Variants in BIN1 observed in about 807,000 individuals in gnomAD.
BIN1 encodes the protein myc box-dependent-interacting protein 1.
BIN1 carries 53 observed loss-of-function variants against 82.0 expected under a neutral mutation model. The observed-to-expected ratio is 0.65, with a 90% confidence interval of 0.52 to 0.81. The LOEUF (loss-of-function observed/expected upper bound fraction) is 0.81. BIN1 is among the 40% of genes least tolerant of loss of function. The probability of loss-of-function intolerance (pLI) is 0.00; values close to 1 mark genes in which losing one functional copy is unlikely to be tolerated. For synonymous variants in BIN1, 302 were observed against 328.0 expected (o/e 0.92, Z 0.86); for missense variants, 642 against 784.4 (o/e 0.82, Z 2.17).
chr2:127,070,487 G>C, intron 4 of BIN1, 66 bp downstream of exon 4: 1 of 1,573,068 alleles, frequency 6.4e-7, no homozygotes, highest in Non-Finnish European at 8.7e-7. Flanking sequence ...GGGCACGGCA[G>C]AGTGGGACAG....
Position 127,053,992 on chromosome 2 carries a change from G to A in BIN1, c.1152C>T (p.Phe384=). The part of the protein sequence containing the change: ...TPSQFEAPGP[F]SEQASLLDLD... Reference sequence around the variant, plus strand: ...GGTCCAGCAGACTGGCCTGCTCCGAGAAAGGCCCCGGGGCCTCAAACTTGG... The same window carrying A: ...GGTCCAGCAGACTGGCCTGCTCCGAAAAAGGCCCCGGGGCCTCAAACTTGG... Residue 384 remains phenylalanine, a synonymous_variant, in exon 13 of 19, where the codon TTC becomes TTT. Transcript: ENST00000316724. 2 of 1,551,352 alleles carry A rather than the reference G, an allele frequency of 1.3e-6. No individual in the cohort carries two copies. Among genetic ancestry groups the A allele is most frequent in the East Asian group, 2.4e-5 (1 of 40,914 alleles).
rs1413239743 is a variant in BIN1, at chr2:127,048,042, T to C, written c.*484A>G. On this transcript the variant is annotated 3_prime_UTR_variant, in exon 19 of 19. Transcript: ENST00000316724. ...TACACACACGTTTTCTGAGAGTTTTTATCATTTTTTTTTTGTTTCATTTTG... is the reference window on the plus strand; with the variant it reads ...TACACACACGTTTTCTGAGAGTTTTCATCATTTTTTTTTTGTTTCATTTTG... 1 of 196,014 alleles carries C rather than the reference T, an allele frequency of 5.1e-6. No homozygotes were observed. Among genetic ancestry groups the C allele is most frequent in the African/African-American group, 2.4e-5 (1 of 41,908 alleles). 12.1% of individuals were successfully genotyped at this position (196,014 alleles called of 1,614,324 possible).
chr2:127,059,119 C>G lies in BIN1; in HGVS notation c.894G>C (p.Ser298=), dbSNP rs2228955. The G allele has an allele frequency of 6.3e-7, 1 of 1,591,758 alleles. No individual in the cohort carries two copies. Among genetic ancestry groups the G allele is most frequent in the Non-Finnish European group, 8.5e-7 (1 of 1,170,382 alleles). Residue 298 remains serine, a synonymous_variant, in exon 11 of 19, where the codon TCG becomes TCC. Transcript: ENST00000316724. This position sits in a 1 kb window ranked among gnomAD's most constrained non-coding sequence, Gnocchi z 6.7. ...NAPAKGNKSP[S]PPDGSPAATP... is the part of the protein sequence containing the mutation. ...TGGCGGCAGGGGAGCCATCTGGAGG[C>G]GAAGGGCTCTTGTTCCCTTTTGCAG... is the stretch of plus-strand genomic sequence containing the variant.
At chr2:127,103,025 G>T (rs1190426227) in intron 1 of BIN1, among the ~76,000 whole-genome samples, 1 of 152,192 alleles carries the variant, frequency 6.6e-6, no homozygotes, top group Non-Finnish European at 1.5e-5. Context: ...GGGTAGAGGG[G>T]GGCATCTTTG....
chr2:127,068,389 T>G lies in BIN1; in HGVS notation c.520-134A>C. 3.3e-5 allele frequency: 19 copies of G among 578,092 alleles called. No individual in the cohort carries two copies. The highest frequency in any genetic ancestry group is 7.0e-5 in the East Asian group (2 of 28,430). 35.8% of individuals were successfully genotyped at this position (578,092 alleles called of 1,614,324 possible). On this transcript the variant is annotated intron_variant, in intron 6 of 18. Transcript: ENST00000316724. This position sits in a 1 kb window ranked among gnomAD's most constrained non-coding sequence, Gnocchi z 4.9. ...GCCACCCCAAGCAGATATGGGCCCT[T>G]GAGGCCGAGAGAATTAGGGGGAGCC...
At chr2:127,049,398 G>A (rs1682588970) in intron 18 of BIN1, among the ~76,000 whole-genome samples, 1 of 152,100 alleles carries the variant, frequency 6.6e-6, no homozygotes, top group African/African-American at 2.4e-5. Context: ...ATCAGTGCCA[G>A]GCCCACAAGG....
At chr2:127,065,348 T>C (rs1389929284) in intron 7 of BIN1, among the ~76,000 whole-genome samples, 3 of 152,150 alleles carry the variant, frequency 2.0e-5, no homozygotes, top group African/African-American at 7.2e-5. Flanking sequence ...CACACCTCTC[T>C]TGGATCCAGG....
chr2:127,079,706 C>T (rs1277181990), intron 1 of BIN1, among the ~76,000 whole-genome samples: 1 of 152,240 alleles, frequency 6.6e-6, no homozygotes, highest in African/African-American at 2.4e-5. Flanking sequence ...GTCAGGGACA[C>T]TGTTCCAGTC....
rs1681220884 is a variant in BIN1 at position 127,106,840 on chromosome 2, T to A, written c.84+20A>T. ...GCGGCGGCTGGGACTCCGCGGCTGC[T>A]GGGGCTCCGGCTCGCTCACCTTCTC... On this transcript the variant is annotated intron_variant, in intron 1 of 18. Transcript: ENST00000316724. 6.3e-7 allele frequency: 1 copy of A among 1,586,040 alleles called. No individual in the cohort carries two copies. The highest frequency in any genetic ancestry group is 8.6e-7 in the Non-Finnish European group (1 of 1,168,392).
At chr2:127,080,919 G>A (rs1687209401) in intron 1 of BIN1, among the ~76,000 whole-genome samples, 1 of 152,244 alleles carries the variant, frequency 6.6e-6, no homozygotes, top group African/African-American at 2.4e-5. Flanking sequence ...AGGCTGGGTG[G>A]TTCACTGAGT....
chr2:127,054,005 G>A lies in BIN1; in HGVS notation c.1139C>T (p.Ala380Val), dbSNP rs1553453967. The change falls in exon 13 of 19, where the codon GCC becomes GTC. Residue 380 changes from alanine (A) to valine (V), a missense_variant. Transcript: ENST00000316724. ...GGCCTGCTCCGAGAAAGGCCCCGGG[G>A]CCTCAAACTTGGCAGCAGCAGCAGC... The part of the protein sequence containing the change: ...ISVTTPSQFE[A>V]PGPFSEQASL... 2 of 1,551,276 alleles carry A rather than the reference G, an allele frequency of 1.3e-6. No individual in the cohort carries two copies. Among genetic ancestry groups the A allele is most frequent in the Non-Finnish European group, 1.7e-6 (2 of 1,146,906 alleles).
intron 1 of BIN1, among the ~76,000 whole-genome samples, chr2:127,078,186 C>A (rs1251901912): frequency 6.6e-6 from 1 of 151,564 alleles, no homozygotes; most frequent in Non-Finnish European, 1.5e-5. Flanking sequence ...GCTGCACTTC[C>A]CCCCCCAGCC....
chr2:127,054,146 C>CGTGGT, intron 12 of BIN1, 134 bp from the exon 13 acceptor site: 1 of 714,366 alleles, frequency 1.4e-6, no homozygotes, highest in Non-Finnish European at 2.5e-6. Flanking sequence ...GCAGAGCAAG[C>CGTGGT]GCACATACAC....
chr2:127,068,281 G>A lies in BIN1; in HGVS notation c.520-26C>T. ...CTGGGGTGGGGAGGTCAAGGCAAAG[G>A]AAGGTGGAGAGACCAGGGAGGTGGG... On this transcript the variant is annotated intron_variant, in intron 6 of 18. Coordinates refer to ENST00000316724, the MANE Select transcript of BIN1 (RefSeq NM_139343.3). This position sits in a 1 kb window ranked among gnomAD's most constrained non-coding sequence, Gnocchi z 4.9. 2 of 1,586,530 alleles carry A rather than the reference G, an allele frequency of 1.3e-6. No homozygotes were observed. Among genetic ancestry groups the A allele is most frequent in the Non-Finnish European group, 1.7e-6 (2 of 1,161,706 alleles).
Position 127,068,193 on chromosome 2 carries a change from G to A in BIN1, c.582C>T (p.Leu194=), listed in dbSNP as rs1319287534. Residue 194 remains leucine (L), a synonymous_variant, in exon 7 of 19, where the codon CTC becomes CTT. Transcript: ENST00000316724. This position sits in a 1 kb window ranked among gnomAD's most constrained non-coding sequence, Gnocchi z 4.9. ...TTCGGAGCAGGTTAGTTTGAGCTAC[G>A]AGATGAGCCTGCAGTTTGCCTTGGC... ...QWCQGKLQAH[L]VAQTNLLRNQ... is the part of the protein sequence containing the mutation. 4.3e-6 allele frequency: 7 copies of A among 1,613,832 alleles called. No individual in the cohort carries two copies. Among genetic ancestry groups the A allele is most frequent in the Non-Finnish European group, 5.9e-6 (7 of 1,179,964 alleles).
At chr2:127,054,941 A>G (rs1683447657) in intron 12 of BIN1, 1 of 152,290 alleles carries the variant, frequency 6.6e-6, no homozygotes, top group African/African-American at 2.4e-5. Context: ...CCAGGGCACA[A>G]GCTGCCTTCT....
At chr2:127,070,493 G>C (rs936617281) in intron 4 of BIN1, 60 bp downstream of exon 4, 14 of 1,586,402 alleles carry the variant, frequency 8.8e-6, no homozygotes, top group Non-Finnish European at 1.2e-5. Flanking sequence ...GGCAGAGTGG[G>C]ACAGGAGCTG....
chr2:127,105,609 G>A (rs1680995607), intron 1 of BIN1, among the ~76,000 whole-genome samples: 1 of 152,034 alleles, frequency 6.6e-6, no homozygotes, highest in Non-Finnish European at 1.5e-5. Flanking sequence ...GGAAACACAG[G>A]GATGAGCAGT....
chr2:127,069,911 G>T, intron 5 of BIN1, 84 bp downstream of exon 5: 1 of 1,434,108 alleles, frequency 7.0e-7, no homozygotes, highest in Non-Finnish European at 9.7e-7. Flanking sequence ...CCTCCTCCTG[G>T]CCTGAGCCGC....
Sources: gnomAD v4.1 joint callset for allele counts (sites outside exome capture counted in the v4.1 genomes callset) on GRCh38, gnomAD v4.1.1 for gene constraint, Gnocchi (gnomAD v3.1) non-coding constraint, MANE v1.5 for transcripts, NCBI Gene and HGNC (gene_info 2026-07-23, HGNC 2026-07-21) for gene names.